CELF6: variants seen among roughly 807,000 people sequenced by gnomAD.
CELF6 encodes the protein Bruno -like 6, RNA binding protein.
CELF6 carries 32 observed loss-of-function variants against 53.1 expected under a neutral mutation model. That is an observed-to-expected ratio of 0.60 (90% CI 0.46 to 0.81). The LOEUF is 0.81. Ranked by LOEUF, CELF6 falls within the 30% of genes least tolerant of loss-of-function variation. The probability of loss-of-function intolerance (pLI) is 0.00; values close to 1 mark genes in which losing one functional copy is unlikely to be tolerated. For missense variants in CELF6, 539 were observed against 669.5 expected, an observed-to-expected ratio of 0.81 and a Z score of 2.15; for synonymous variants, 291 against 288.8, an observed-to-expected ratio of 1.01 and a Z score of -0.08.
chr15:72,295,674 C>T (rs886564731), intron 3 of CELF6, among the ~76,000 whole-genome samples: 8 of 149,146 alleles, frequency 5.4e-5, no homozygotes, highest in African/African-American at 2.0e-4. Context: ...TGCAGTGAGC[C>T]GAGATCACGC....
At chr15:72,305,100 T>G (rs1314418788) in intron 2 of CELF6, among the ~76,000 whole-genome samples, 1 of 152,162 alleles carries the variant, frequency 6.6e-6, no homozygotes, top group Non-Finnish European at 1.5e-5. Context: ...GCCTGTCCCT[T>G]TGGCTTCTGG....
At chr15:72,308,655 G>A (rs1262325001) in intron 2 of CELF6, among the ~76,000 whole-genome samples, 1 of 152,192 alleles carries the variant, frequency 6.6e-6, no homozygotes, top group Non-Finnish European at 1.5e-5. Context: ...CAAAGGCAAT[G>A]AGGATCCAGG....
At chr15:72,290,640 A>G (rs993070704) in intron 3 of CELF6, among the ~76,000 whole-genome samples, 1 of 152,170 alleles carries the variant, frequency 6.6e-6, no homozygotes, top group Admixed American at 6.5e-5. Context: ...CTATTAAGGA[A>G]GCGGGTGCTC....
intron 2 of CELF6, among the ~76,000 whole-genome samples, chr15:72,311,712 A>T (rs1180682706): frequency 6.6e-6 from 1 of 152,144 alleles, no homozygotes; most frequent in Non-Finnish European, 1.5e-5. Flanking sequence ...AATGAGACTC[A>T]TTTTTAAGAA....
intron 3 of CELF6, among the ~76,000 whole-genome samples, chr15:72,296,282 G>A (rs2088076660): frequency 6.6e-6 from 1 of 152,180 alleles, no homozygotes. Flanking sequence ...TTAGAAAACT[G>A]AGGGGAAAAA....
intron 2 of CELF6, among the ~76,000 whole-genome samples, chr15:72,311,134 AT>A (rs1225731817): frequency 1.3e-5 from 2 of 151,240 alleles, no homozygotes; most frequent in Non-Finnish European, 3.0e-5. Context: ...TCTTTTCTTT[AT>A]TCCTTTATTT....
chr15:72,316,642 T>C (rs2088367227), intron 1 of CELF6, among the ~76,000 whole-genome samples: 1 of 152,082 alleles, frequency 6.6e-6, no homozygotes, highest in Non-Finnish European at 1.5e-5. Context: ...CATATATGGG[T>C]CAGCGAAGAG....
Position 72,319,592 on chromosome 15 carries a change from G to T in CELF6, c.262+21C>A. ...CTCTAATCGGATTGGGGCTGGGCTG[G>T]GCTGGGCTGACCCCGCGCACCTTTG... On this transcript the variant is annotated intron_variant, in intron 1 of 12. Coordinates refer to ENST00000287202, the MANE Select transcript of CELF6 (RefSeq NM_052840.5). The surrounding 1 kb of genome is among the most constrained non-coding windows in gnomAD (Gnocchi z 5.0). The T allele has an allele frequency of 1.3e-6, 2 of 1,528,108 alleles. No individual in the cohort carries two copies. The highest frequency in any genetic ancestry group is 4.0e-5 in the Admixed American group (2 of 50,156). 94.7% of individuals were successfully genotyped at this position (1,528,108 alleles called of 1,614,324 possible).
intron 3 of CELF6, among the ~76,000 whole-genome samples, chr15:72,298,104 A>G (rs1169709050): frequency 3.3e-5 from 5 of 152,228 alleles, no homozygotes; most frequent in Admixed American, 3.3e-4. Context: ...GCTAAGGTCT[A>G]TTTCTGATTT....
At chr15:72,307,438 G>A (rs189435933) in intron 2 of CELF6, among the ~76,000 whole-genome samples, 199 of 152,318 alleles carry the variant, frequency 1.3e-3, no homozygotes, top group African/African-American at 4.6e-3. Flanking sequence ...TCATAGGCTC[G>A]CAGAGGGGAA....
chr15:72,290,239 A>T lies in CELF6; in HGVS notation c.411T>A (p.Phe137Leu). 6.2e-7 allele frequency: 1 copy of T among 1,613,070 alleles called. No individual in the cohort carries two copies. Among genetic ancestry groups the T allele is most frequent in the Non-Finnish European group, 8.5e-7 (1 of 1,179,570 alleles). The change falls in exon 4 of 13, where the codon TTT (phenylalanine) becomes TTA (leucine). Residue 137 changes from phenylalanine to leucine, a missense_variant. Around this residue, in one of 3 missense-constraint regions of CELF6, gnomAD observed 97 missense variants for 168.8 expected, o/e 0.57. Coordinates refer to ENST00000287202, the MANE Select transcript of CELF6 (RefSeq NM_052840.5). ...SEGRGEDRKL[F>L]VGMLGKQQGE... ...CCTGCTGCTTGCCCAGCATCCCCAC[A>T]AACAGCTTTCGGTCCTCTGGGGACA...
At chr15:72,297,442 T>G (rs923804774) in intron 3 of CELF6, among the ~76,000 whole-genome samples, 2 of 152,226 alleles carry the variant, frequency 1.3e-5, no homozygotes, top group Admixed American at 1.3e-4. Context: ...AGAAATCTTT[T>G]GTACACCCAT....
In CELF6 at chr15:72,315,838, G is replaced by A; in HGVS notation, c.345+7C>T. On this transcript the variant is annotated splice_region_variant and intron_variant, in intron 2 of 12. Coordinates refer to ENST00000287202, the MANE Select transcript of CELF6 (RefSeq NM_052840.5). ...GTGATTCCCACCCCCCAACCTGGAG[G>A]ACTTACCCCTGGCAGGGTCTTCTGC... is the stretch of plus-strand genomic sequence containing the variant. The A allele has an allele frequency of 1.3e-6, 2 of 1,588,118 alleles. No individual in the cohort carries two copies. Among genetic ancestry groups the A allele is most frequent in the Non-Finnish European group, 1.7e-6 (2 of 1,165,832 alleles).
At chr15:72,308,012 A>G (rs1054571669) in intron 2 of CELF6, among the ~76,000 whole-genome samples, 1 of 152,150 alleles carries the variant, frequency 6.6e-6, no homozygotes, top group Non-Finnish European at 1.5e-5. Context: ...TCTAGTGAGC[A>G]CTTGGCATGG....
At chr15:72,300,607 A>G (rs1467376801) in intron 3 of CELF6, among the ~76,000 whole-genome samples, 1 of 152,160 alleles carries the variant, frequency 6.6e-6, no homozygotes, top group African/African-American at 2.4e-5. Context: ...GCCGAGGCAG[A>G]CAGATCATTT....
chr15:72,289,522 A>G lies in CELF6; in HGVS notation c.748-15T>C, dbSNP rs1262252847. On this transcript the variant is annotated splice_polypyrimidine_tract_variant and intron_variant, in intron 6 of 12. Transcript: ENST00000287202. This position sits in a 1 kb window ranked among gnomAD's most constrained non-coding sequence, Gnocchi z 7.6. ...TGCTGCAGGATCTTTGAGAGGAAAG[A>G]TGGGCGAGAGTGGAGGGCCAAGGGG... The G allele has an allele frequency of 8.0e-6, 12 of 1,508,334 alleles. No homozygotes were observed. The Admixed American group carries it at 1.3e-4, about 16-fold the overall frequency. The allele number at this position is 1,508,334 out of a possible 1,614,324, so 93.4% of individuals were successfully genotyped here. A position where few individuals can be genotyped will look rare whatever the true frequency, so the allele number is the denominator to read the frequency against.
chr15:72,302,547 G>A (rs1365969620), intron 3 of CELF6, among the ~76,000 whole-genome samples: 1 of 152,170 alleles, frequency 6.6e-6, no homozygotes, highest in South Asian at 2.1e-4. Context: ...TACAACTCAA[G>A]CTGATGTCAT....
Position 72,290,191 on chromosome 15 carries a change from C to G in CELF6, c.459G>C (p.Leu153=). The change falls in exon 4 of 13, where the codon CTG becomes CTC. Residue 153 remains leucine, a synonymous_variant. Coordinates refer to ENST00000287202, the MANE Select transcript of CELF6 (RefSeq NM_052840.5). The part of the protein sequence containing the change: ...KQQGEEDVRR[L]FQPFGHIEEC... ...CCTCGATGTGGCCAAAGGGCTGGAA[C>G]AGGCGTCTGACGTCCTCCTCACCCT... 1 of 1,613,972 alleles carries G rather than the reference C, an allele frequency of 6.2e-7. No homozygotes were observed. The highest frequency in any genetic ancestry group is 1.1e-5 in the South Asian group (1 of 91,038).
Position 72,319,589 on chromosome 15 carries a change from C to A in CELF6, c.262+24G>T. On this transcript the variant is annotated intron_variant, in intron 1 of 12. Coordinates refer to ENST00000287202, the MANE Select transcript of CELF6 (RefSeq NM_052840.5). The surrounding 1 kb of genome is among the most constrained non-coding windows in gnomAD (Gnocchi z 5.0). The stretch of plus-strand genomic sequence containing the variant: ...ACACTCTAATCGGATTGGGGCTGGG[C>A]TGGGCTGGGCTGACCCCGCGCACCT... The A allele has an allele frequency of 6.9e-7, 1 of 1,452,826 alleles. No homozygotes were observed. The highest frequency in any genetic ancestry group is 9.2e-7 in the Non-Finnish European group (1 of 1,086,578). The allele number at this position is 1,452,826 out of a possible 1,614,324, so 90.0% of individuals were successfully genotyped here.
Sources: allele counts gnomAD v4.1 joint callset (sites outside exome capture counted in the v4.1 genomes callset), GRCh38; gene constraint gnomAD v4.1.1; regional missense constraint gnomAD v4.1.1; non-coding constraint Gnocchi (gnomAD v3.1); transcripts MANE v1.5; gene names NCBI Gene and HGNC (gene_info 2026-07-23, HGNC 2026-07-21).